The following DNAH2 variants were observed in gnomAD, a reference collection of about 807,000 sequenced individuals.
DNAH2 encodes the protein dynein axonemal heavy chain 2.
In DNAH2, 323 loss-of-function variants were observed where a neutral mutation model predicts 523.5. The ratio of observed to expected loss-of-function variants is 0.62; its 90% confidence interval spans 0.56 to 0.68. The LOEUF (loss-of-function observed/expected upper bound fraction) is 0.68, where lower values mean the gene tolerates loss of function less well. DNAH2 is among the 30% of genes least tolerant of loss of function. DNAH2 has a pLI of 0.00. For missense variants in DNAH2, 4,907 were observed against 5,701.5 expected, an observed-to-expected ratio of 0.86 and a Z score of 4.49; for synonymous variants, 2,093 against 2,177.4, an observed-to-expected ratio of 0.96 and a Z score of 1.08.
chr17:7,786,477 G>T lies in DNAH2; in HGVS notation c.6349-93G>T. The T allele has an allele frequency of 6.8e-7, 1 of 1,478,652 alleles. No homozygotes were observed. The allele number at this position is 1,478,652 out of a possible 1,614,324, so 91.6% of individuals were successfully genotyped here. ...ACCATGGTGGCCTGGAGCGATGAGA[G>T]AAGGGACAAATGCACGTACCTAAGA... On this transcript the variant is annotated intron_variant, in intron 40 of 85. Coordinates refer to ENST00000572933, the MANE Select transcript of DNAH2 (RefSeq NM_020877.5). The surrounding 1 kb of genome is among the most constrained non-coding windows in gnomAD (Gnocchi z 7.5).
intron 32 of DNAH2, 106 bp from the exon 33 acceptor site, chr17:7,777,340 G>T (rs1274673306): frequency 1.6e-6 from 2 of 1,222,814 alleles, no homozygotes; most frequent in Non-Finnish European, 2.4e-6. Context: ...GTTACAGCAG[G>T]TGGGGTCAGC....
rs527276333 is a variant in DNAH2 at position 7,822,496 on chromosome 17, C to T, written c.11143-946C>T. 1.7e-3 allele frequency among the ~76,000 whole-genome samples: 266 copies of T among 152,282 alleles called. 8 individuals are homozygous for T. The South Asian group carries it at 0.036, about 21-fold the overall frequency. ...CTCTCACCTCCTTCAGACCTCACCT[C>T]AATGCGACCTTGATCTTCTTATTTA... On this transcript the variant is annotated intron_variant, in intron 73 of 85. Coordinates refer to ENST00000572933, the MANE Select transcript of DNAH2 (RefSeq NM_020877.5).
chr17:7,759,375 C>T (rs757992560), intron 15 of DNAH2, 47 bp from the exon 16 acceptor site: 8 of 1,566,660 alleles, frequency 5.1e-6, no homozygotes, highest in Admixed American at 1.9e-5. Context: ...CAGGATGTGC[C>T]CTGTCTTCCC....
Position 7,765,451 on chromosome 17 carries a change from G to T in DNAH2, c.3397G>T (p.Asp1133Tyr), listed in dbSNP as rs1226183279. The change falls in exon 21 of 86, where the codon GAC (aspartate) becomes TAC (tyrosine). Residue 1133 changes from aspartate (D) to tyrosine (Y), a missense_variant. Physicochemically the swap from Asp to Tyr is radical, Grantham distance 160. Transcript: ENST00000572933. Reference sequence around the variant, plus strand: ...GGTTGTCTTCCAACAAACTCTGCTGGACAGTAAGCAAATGCTGAAGAAACA... The same window carrying T: ...GGTTGTCTTCCAACAAACTCTGCTGTACAGTAAGCAAATGCTGAAGAAACA... Reference protein sequence around the residue: ...EWVVFQQTLLDSKQMLKKHKE... With the variant: ...EWVVFQQTLLYSKQMLKKHKE... 6.2e-7 allele frequency: 1 copy of T among 1,614,250 alleles called. No homozygotes were observed. The highest frequency in any genetic ancestry group is 1.7e-5 in the Admixed American group (1 of 60,030).
chr17:7,737,808 G>A (rs1188037868), intron 8 of DNAH2, among the ~76,000 whole-genome samples: 4 of 152,022 alleles, frequency 2.6e-5, no homozygotes, highest in Admixed American at 2.0e-4. Flanking sequence ...CAGAGGTGTC[G>A]GCCTGGCCAG....
chr17:7,832,896 G>T lies in DNAH2; in HGVS notation c.12946G>T (p.Val4316Leu). The T allele has an allele frequency of 3.1e-6, 5 of 1,614,220 alleles. No homozygotes were observed. The highest frequency in any genetic ancestry group is 4.2e-6 in the Non-Finnish European group (5 of 1,180,040). Residue 4316 changes from valine to leucine, a missense_variant, in exon 84 of 86, where the codon GTG becomes TTG. Val to Leu is a conservative substitution (Grantham distance 32). This residue lies in a region of DNAH2 where 1,851 missense variants were observed against 2,139.4 expected (regional missense o/e 0.87). Transcript: ENST00000572933. The surrounding 1 kb of genome is among the most constrained non-coding windows in gnomAD (Gnocchi z 4.3). ...SLSWEFIVST[V>L]DDSNLVYPPK... ...CTCCTGGGAGTTTATCGTTTCCACT[G>T]TGGATGACAGCAACCTAGTGTATCC...
chr17:7,774,143 C>G (rs2076389123), intron 28 of DNAH2, among the ~76,000 whole-genome samples: 1 of 152,178 alleles, frequency 6.6e-6, no homozygotes, highest in South Asian at 2.1e-4. Context: ...TTTGGTGTAT[C>G]TGAATTGGCA....
intron 29 of DNAH2, 86 bp downstream of exon 29, chr17:7,775,062 CCAAAA>C: frequency 7.2e-7 from 1 of 1,384,048 alleles, no homozygotes; most frequent in Non-Finnish European, 1.0e-6. Context: ...CCCTGCCCTC[CCAAAA>C]GGAGGGCCAT....
rs998654449 is a variant in DNAH2, at chr17:7,721,836, G to A, written c.167-1792G>A. On this transcript the variant is annotated intron_variant, in intron 2 of 85. Coordinates refer to ENST00000572933, the MANE Select transcript of DNAH2 (RefSeq NM_020877.5). ...CAGAGTGGGTGTGGCAGAACTGAAT[G>A]CTCAGCAGGCCAGTGGTTTGGAGAA... is the stretch of plus-strand genomic sequence containing the variant. Among the ~76,000 whole-genome samples, 27 of 152,276 alleles carry A rather than the reference G, an allele frequency of 1.8e-4. 1 individual carries two copies. Among genetic ancestry groups the A allele is most frequent in the East Asian group, 7.7e-4 (4 of 5,186 alleles).
chr17:7,790,621 TC>T (rs2076870891), intron 44 of DNAH2, among the ~76,000 whole-genome samples: 1 of 152,184 alleles, frequency 6.6e-6, no homozygotes, highest in African/African-American at 2.4e-5. Context: ...TCCTTTTTGT[TC>T]CCCTCTCTCC....
At chr17:7,738,393 G>A (rs1027747012) in intron 8 of DNAH2, among the ~76,000 whole-genome samples, 3 of 151,926 alleles carry the variant, frequency 2.0e-5, no homozygotes, top group African/African-American at 7.3e-5. Context: ...GCAGTGGCGC[G>A]ATCTCAGCTC....
intron 50 of DNAH2, 64 bp from the exon 51 acceptor site, chr17:7,797,112 A>G: frequency 1.4e-6 from 2 of 1,480,036 alleles, no homozygotes; most frequent in Middle Eastern, 1.8e-4. Context: ...AAAAAAAAAA[A>G]AAAAAAAAAC....
intron 48 of DNAH2, among the ~76,000 whole-genome samples, chr17:7,793,936 GAAGA>G (rs1346944963): frequency 8.5e-5 from 13 of 152,236 alleles, no homozygotes; most frequent in African/African-American, 2.9e-4. Context: ...AAGAGAAAAA[GAAGA>G]AAGAGAAAGT....
chr17:7,734,458 T>C lies in DNAH2; in HGVS notation c.740-12T>C. On this transcript the variant is annotated splice_polypyrimidine_tract_variant and intron_variant, in intron 6 of 85. Coordinates refer to ENST00000572933, the MANE Select transcript of DNAH2 (RefSeq NM_020877.5). ...TGAAGAAACGAAGGAGATTTTGTAC[T>C]CTCCCCTGCAGCCTCCATGATCCAC... is the stretch of plus-strand genomic sequence containing the variant. The C allele has an allele frequency of 6.2e-7, 1 of 1,612,860 alleles. No individual in the cohort carries two copies. Among genetic ancestry groups the C allele is most frequent in the East Asian group, 2.2e-5 (1 of 44,848 alleles).
In DNAH2 at chr17:7,831,832, G is replaced by T; in HGVS notation, c.12726+57G>T. 1 of 1,507,872 alleles carries T rather than the reference G, an allele frequency of 6.6e-7. No individual in the cohort carries two copies. The highest frequency in any genetic ancestry group is 2.0e-4 in the Middle Eastern group (1 of 5,120). 93.4% of individuals were successfully genotyped at this position (1,507,872 alleles called of 1,614,324 possible). On this transcript the variant is annotated intron_variant, in intron 82 of 85. Coordinates refer to ENST00000572933, the MANE Select transcript of DNAH2 (RefSeq NM_020877.5). This position sits in a 1 kb window ranked among gnomAD's most constrained non-coding sequence, Gnocchi z 4.2. ...ACAATGAGCTCCCCTCTCAATCCTGGGCCCCCCAATCTCCTGGTTCTAGGT... is the reference window on the plus strand; with the variant it reads ...ACAATGAGCTCCCCTCTCAATCCTGTGCCCCCCAATCTCCTGGTTCTAGGT...
chr17:7,830,197 T>A, intron 77 of DNAH2, 103 bp from the exon 78 acceptor site: 3 of 1,255,632 alleles, frequency 2.4e-6, no homozygotes, highest in Admixed American at 4.5e-5. Flanking sequence ...TTTCAGCCAG[T>A]GCCTTTGTGC....
In DNAH2 at chr17:7,818,149, T is replaced by A. The variant is rs545693898; in HGVS notation, c.10387+53T>A. 5.6e-6 allele frequency: 9 copies of A among 1,606,722 alleles called. No homozygotes were observed. In the South Asian group the frequency reaches 9.9e-5, roughly 18 times the overall value. ...AGTGGGATGCTAGGGAGGGAAGGGC[T>A]GGCTCTCTGACTGTGTCCTCTTCTT... On this transcript the variant is annotated intron_variant, in intron 68 of 85. Coordinates refer to ENST00000572933, the MANE Select transcript of DNAH2 (RefSeq NM_020877.5).
At chr17:7,812,649 G>A (rs779477497) in intron 63 of DNAH2, among the ~76,000 whole-genome samples, 3 of 151,542 alleles carry the variant, frequency 2.0e-5, no homozygotes, top group Non-Finnish European at 4.4e-5. Flanking sequence ...AGCCAGGTGC[G>A]GTGGCTCACG....
At chr17:7,769,087 C>T (rs530800505) in intron 24 of DNAH2, among the ~76,000 whole-genome samples, 1 of 152,316 alleles carries the variant, frequency 6.6e-6, no homozygotes, top group Non-Finnish European at 1.5e-5. Context: ...GCTTCTTGTT[C>T]TCTGACCCCT....
Sources: gnomAD v4.1 joint callset for allele counts (sites outside exome capture counted in the v4.1 genomes callset) on GRCh38, gnomAD v4.1.1 for gene constraint, gnomAD v4.1.1 regional missense constraint, Gnocchi (gnomAD v3.1) non-coding constraint, MANE v1.5 for transcripts, NCBI Gene and HGNC (gene_info 2026-07-23, HGNC 2026-07-21) for gene names.